Variants in LAMTOR3 observed in about 807,000 individuals in gnomAD.
LAMTOR3 encodes the protein ragulator complex protein LAMTOR3.
A neutral mutation model predicts 20.3 loss-of-function variants in LAMTOR3; 14 were observed. The ratio of observed to expected loss-of-function variants is 0.69; its 90% confidence interval spans 0.46 to 1.08. LAMTOR3 has a LOEUF of 1.08. Among genes scored for constraint, LAMTOR3 ranks in the 50% least tolerant of loss-of-function variants. The pLI is 0.00. For missense variants in LAMTOR3, 125 were observed against 143.7 expected, an observed-to-expected ratio of 0.87 and a Z score of 0.67; for synonymous variants, 40 against 49.4, an observed-to-expected ratio of 0.81 and a Z score of 0.80.
chr4:99,885,895 A>G (rs1030461413), intron 4 of LAMTOR3, among the ~76,000 whole-genome samples: 6 of 152,332 alleles, frequency 3.9e-5, no homozygotes, highest in African/African-American at 1.4e-4. Context: ...TGACTCTCAC[A>G]ATTTTTTTAA....
In LAMTOR3 at chr4:99,887,945, G is replaced by A. The variant is rs1724958541; in HGVS notation, c.45-591C>T. ...TGATGCAGACAGACAGTGGGCCAGA[G>A]AAGGCTTTCCTGGAGGCAGTAATAC... On this transcript the variant is annotated intron_variant, in intron 3 of 6. Transcript: ENST00000499666. Among the ~76,000 whole-genome samples the A allele has an allele frequency of 1.3e-5, 2 of 152,222 alleles. 1 individual carries two copies. The highest frequency in any genetic ancestry group is 4.1e-4 in the South Asian group (2 of 4,832).
chr4:99,885,835 A>G (rs1036476805), intron 4 of LAMTOR3, among the ~76,000 whole-genome samples, 160 bp from the exon 5 acceptor site: 1 of 152,212 alleles, frequency 6.6e-6, no homozygotes, highest in Non-Finnish European at 1.5e-5. Flanking sequence ...ACTAATCAGG[A>G]AAAACTGCTC....
chr4:99,886,953 A>G (rs1724939681), intron 4 of LAMTOR3, among the ~76,000 whole-genome samples: 1 of 137,400 alleles, frequency 7.3e-6, no homozygotes, highest in African/African-American at 2.6e-5. Context: ...TATATATAGT[A>G]GGGGTGTCTG....
At position 99,887,269 on chromosome 4, in the gene LAMTOR3, C is replaced by T. The variant is rs1330875162; in HGVS notation, c.103+27G>A. 4.1e-6 allele frequency: 6 copies of T among 1,446,248 alleles called. No individual in the cohort carries two copies. The South Asian group carries it at 5.2e-5, about 12-fold the overall frequency. 89.6% of individuals were successfully genotyped at this position (1,446,248 alleles called of 1,614,324 possible). A position where few individuals can be genotyped will look rare whatever the true frequency, so the allele number is the denominator to read the frequency against. ...CATTTTTAGTCAAAAGCAAAGAAGA[C>T]ATTTGCATTTAAATGTTCAGTTTTA... On this transcript the variant is annotated intron_variant, in intron 4 of 6. Coordinates refer to ENST00000499666, the MANE Select transcript of LAMTOR3 (RefSeq NM_021970.4).
At chr4:99,885,866 CAAGT>C (rs1241606017) in intron 4 of LAMTOR3, among the ~76,000 whole-genome samples, 191 bp from the exon 5 acceptor site, 2 of 151,966 alleles carry the variant, frequency 1.3e-5, no homozygotes, top group African/African-American at 2.4e-5. Flanking sequence ...TCACTGATCA[CAAGT>C]AAGAGAAAAA....
At chr4:99,892,774 G>A (rs1430973406) in intron 2 of LAMTOR3, among the ~76,000 whole-genome samples, 1 of 151,026 alleles carries the variant, frequency 6.6e-6, no homozygotes, top group Non-Finnish European at 1.5e-5. Context: ...TGCCTCCCAG[G>A]TTCAAACGAT....
chr4:99,890,358 AC>A (rs1489179754), intron 3 of LAMTOR3, among the ~76,000 whole-genome samples: 4 of 152,238 alleles, frequency 2.6e-5, no homozygotes, highest in African/African-American at 9.6e-5. Context: ...CAAAAAACGC[AC>A]AAAAACACAC....
At chr4:99,885,383 TTAC>T (rs1724903455) in intron 5 of LAMTOR3, among the ~76,000 whole-genome samples, 156 bp downstream of exon 5, 1 of 152,126 alleles carries the variant, frequency 6.6e-6, no homozygotes, top group Non-Finnish European at 1.5e-5. Flanking sequence ...GTGAAGAAAA[TTAC>T]TACATTTTAA....
intron 3 of LAMTOR3, among the ~76,000 whole-genome samples, chr4:99,887,653 A>G (rs1295995301): frequency 1.3e-5 from 2 of 152,228 alleles, no homozygotes; most frequent in African/African-American, 4.8e-5. Context: ...AGCATGAAAG[A>G]TTATCAGCAG....
Position 99,892,191 on chromosome 4 carries a change from C to A in LAMTOR3, c.10-157G>T, listed in dbSNP as rs181698611. On this transcript the variant is annotated intron_variant, in intron 2 of 6. Coordinates refer to ENST00000499666, the MANE Select transcript of LAMTOR3 (RefSeq NM_021970.4). ...GTCTGATTTGGATGTTTACTAGTCA[C>A]GCAACTTGGAGTAAGTTAACCAACC... 1.9e-3 allele frequency among the ~76,000 whole-genome samples: 290 copies of A among 152,250 alleles called. 1 individual carries two copies. The highest frequency in any genetic ancestry group is 6.6e-3 in the African/African-American group (273 of 41,540).
chr4:99,888,896 A>G (rs1242636893), intron 3 of LAMTOR3, among the ~76,000 whole-genome samples: 1 of 152,202 alleles, frequency 6.6e-6, no homozygotes, highest in African/African-American at 2.4e-5. Context: ...AGATTAAAAT[A>G]TATCTCTAAG....
chr4:99,887,953 T>C (rs1206230782), intron 3 of LAMTOR3, among the ~76,000 whole-genome samples: 1 of 152,226 alleles, frequency 6.6e-6, no homozygotes, highest in Non-Finnish European at 1.5e-5. Flanking sequence ...GAGAAGGCTT[T>C]CCTGGAGGCA....
chr4:99,880,894 T>A lies in LAMTOR3; in HGVS notation c.*1100A>T, dbSNP rs1206125093. ...TGCATTCCTGAACATAAAGGGTATA[T>A]TCTAGAACTGTAGTACCTCTTTCAT... On this transcript the variant is annotated 3_prime_UTR_variant, in exon 7 of 7. Transcript: ENST00000499666. 2 of 152,252 alleles carry A rather than the reference T, an allele frequency of 1.3e-5. No homozygotes were observed. The highest frequency in any genetic ancestry group is 1.3e-4 in the Admixed American group (2 of 15,278). The allele number at this position is 152,252 out of a possible 1,614,324, so 9.4% of individuals were successfully genotyped here.
In LAMTOR3 at chr4:99,881,803, A is replaced by C; in HGVS notation, c.*191T>G. 1 of 555,878 alleles carries C rather than the reference A, an allele frequency of 1.8e-6. No individual in the cohort carries two copies. The highest frequency in any genetic ancestry group is 3.2e-6 in the Non-Finnish European group (1 of 313,658). 34.4% of individuals were successfully genotyped at this position (555,878 alleles called of 1,614,324 possible). On this transcript the variant is annotated 3_prime_UTR_variant, in exon 7 of 7. Transcript: ENST00000499666. ...CCCTAGATCTCACTAAATAAGAAAG[A>C]CCCTACACCAGAAAATATAGCAACT... is the stretch of plus-strand genomic sequence containing the variant.
In LAMTOR3 at chr4:99,881,965, A is replaced by G. The variant is rs1724835599; in HGVS notation, c.*29T>C. 7.1e-7 allele frequency: 1 copy of G among 1,405,890 alleles called. No individual in the cohort carries two copies. The highest frequency in any genetic ancestry group is 2.0e-4 in the Middle Eastern group (1 of 5,050). The allele number at this position is 1,405,890 out of a possible 1,614,324, so 87.1% of individuals were successfully genotyped here. On this transcript the variant is annotated 3_prime_UTR_variant, in exon 7 of 7. Transcript: ENST00000499666. ...TTGATATTGTGTTGTTATAATGAAGATAAGGTACACACTGAAACCACTGTC... is the reference window on the plus strand; with the variant it reads ...TTGATATTGTGTTGTTATAATGAAGGTAAGGTACACACTGAAACCACTGTC...
At chr4:99,885,309 A>G (rs1249824726) in intron 5 of LAMTOR3, among the ~76,000 whole-genome samples, 1 of 152,156 alleles carries the variant, frequency 6.6e-6, no homozygotes, top group Non-Finnish European at 1.5e-5. Flanking sequence ...TCTTTTTAGG[A>G]TAACATGTAC....
rs1210234344 is a variant in LAMTOR3 at position 99,887,367 on chromosome 4, A to G, written c.45-13T>C. 3 of 1,239,106 alleles carry G rather than the reference A, an allele frequency of 2.4e-6. No individual in the cohort carries two copies. In the Admixed American group the frequency reaches 8.0e-5, roughly 33 times the overall value. 76.8% of individuals were successfully genotyped at this position (1,239,106 alleles called of 1,614,324 possible). On this transcript the variant is annotated splice_polypyrimidine_tract_variant and intron_variant, in intron 3 of 6. Coordinates refer to ENST00000499666, the MANE Select transcript of LAMTOR3 (RefSeq NM_021970.4). ...GAGCCCTTCAACACTAGAAAAAGAAAATAGTTAAAATATAAAAAAAGTTAA... is the reference window on the plus strand; with the variant it reads ...GAGCCCTTCAACACTAGAAAAAGAAGATAGTTAAAATATAAAAAAAGTTAA...
At chr4:99,889,195 T>C (rs1403414042) in intron 3 of LAMTOR3, among the ~76,000 whole-genome samples, 1 of 151,796 alleles carries the variant, frequency 6.6e-6, no homozygotes, top group African/African-American at 2.4e-5. Flanking sequence ...AGAGTCTGTC[T>C]CAACAACAAC....
chr4:99,893,989 C>T lies in LAMTOR3; in HGVS notation c.-26G>A, dbSNP rs1175975072. On this transcript the variant is annotated 5_prime_UTR_variant, in exon 2 of 7. Transcript: ENST00000499666. ...GATGAACCCCCTTCTCTCGCAGGAT[C>T]AATCTCCACGCCTGGAAGAGAAACT... 2.6e-6 allele frequency: 4 copies of T among 1,536,410 alleles called. No individual in the cohort carries two copies. The highest frequency in any genetic ancestry group is 3.5e-6 in the Non-Finnish European group (4 of 1,136,584).
Sources: allele counts gnomAD v4.1 joint callset (sites outside exome capture counted in the v4.1 genomes callset), GRCh38; gene constraint gnomAD v4.1.1; transcripts MANE v1.5; gene names NCBI Gene and HGNC (gene_info 2026-07-23, HGNC 2026-07-21).